Variants in SIGLEC9 observed in about 807,000 individuals in gnomAD.
The protein encoded by SIGLEC9 is sialic acid binding Ig like lectin 9.
In SIGLEC9, 26 loss-of-function variants were observed where a neutral mutation model predicts 38.3. The ratio of observed to expected loss-of-function variants is 0.68; its 90% CI spans 0.50 to 0.94. The LOEUF (loss-of-function observed/expected upper bound fraction) is 0.94, where lower values mean the gene tolerates loss of function less well. SIGLEC9 is among the 40% of genes least tolerant of loss of function. The pLI, the probability that SIGLEC9 is intolerant of heterozygous loss-of-function variation, is 0.00. For missense variants in SIGLEC9, 556 were observed against 585.7 expected (o/e 0.95, Z 0.52); for synonymous variants, 236 against 248.0 (o/e 0.95, Z 0.45).
In SIGLEC9 at chr19:51,124,906, G is replaced by A. The variant is rs367907317; in HGVS notation, c.-69G>A. 13 of 1,540,000 alleles carry A rather than the reference G, an allele frequency of 8.4e-6. No individual in the cohort carries two copies. Among genetic ancestry groups the A allele is most frequent in the East Asian group, 6.8e-5 (3 of 44,386 alleles). ...AGGGCCTCCTCTAAGTCTTGAGCCC[G>A]CAGTTCCTGAGAGAAGAACCCTGAG... is the stretch of plus-strand genomic sequence containing the variant. On this transcript the variant is annotated 5_prime_UTR_variant, in exon 1 of 7. Transcript: ENST00000250360.
chr19:51,122,932 G>C (rs993088092), upstream of SIGLEC9: 2 of 152,462 alleles, frequency 1.3e-5, no homozygotes, highest in Non-Finnish European at 2.9e-5. The surrounding 1 kb of genome is among the most constrained non-coding windows in gnomAD (Gnocchi z 4.1). Context: ...CACCCACTGC[G>C]ATTTCAGCAC....
At chr19:51,127,869 T>C (rs2091988947) in intron 4 of SIGLEC9, 80 bp from the exon 5 acceptor site, 1 of 812,548 alleles carries the variant, frequency 1.2e-6, no homozygotes, top group African/African-American at 1.7e-5. Context: ...AATAGAAGTC[T>C]AGGACCCTAC....
chr19:51,120,948 C>G (rs557815600), upstream of SIGLEC9, among the ~76,000 whole-genome samples: 1 of 150,610 alleles, frequency 6.6e-6, no homozygotes, highest in Non-Finnish European at 1.5e-5. This position sits in a 1 kb window ranked among gnomAD's most constrained non-coding sequence, Gnocchi z 4.1. Flanking sequence ...CAGGCTCAAG[C>G]GATCCTCCTG....
Position 51,125,617 on chromosome 19 carries a change from A to G in SIGLEC9, c.442A>G (p.Ile148Val). 6.2e-7 allele frequency: 1 copy of G among 1,611,732 alleles called. No homozygotes were observed. The highest frequency in any genetic ancestry group is 8.5e-7 in the Non-Finnish European group (1 of 1,179,938). Residue 148 changes from isoleucine (I) to valine (V), a missense_variant, in exon 2 of 7, where the codon ATC (isoleucine) becomes GTC (valine). Physicochemically the swap from Ile to Val is conservative, Grantham distance 29 (BLOSUM62 3). Transcript: ENST00000250360. ...ACCAGCCTTGACCCACAGGCCCAAC[A>G]TCCTCATCCCAGGCACCCTGGAGTC... ...NVTALTHRPNILIPGTLESGC... is the reference protein window; with the variant it reads ...NVTALTHRPNVLIPGTLESGC...
At chr19:51,121,111 T>C (rs939109496), upstream of SIGLEC9, among the ~76,000 whole-genome samples, 2 of 151,880 alleles carry the variant, frequency 1.3e-5, no homozygotes, top group African/African-American at 4.8e-5. Flanking sequence ...TCCCAAAGTG[T>C]TGGGATTACA....
chr19:51,122,974 C>G (rs10419347), upstream of SIGLEC9: 4 of 152,648 alleles, frequency 2.6e-5, no homozygotes, highest in Admixed American at 6.5e-5. The surrounding 1 kb of genome is among the most constrained non-coding windows in gnomAD (Gnocchi z 4.1). Context: ...GAGTGAGTTG[C>G]AGGACAGCTG....
chr19:51,136,261 A>G, exon 7 of SIGLEC9: 1 of 682,850 alleles, frequency 1.5e-6, no homozygotes. Context: ...ATATTCTCTG[A>G]TGCCCTTGAG....
downstream of SIGLEC9, among the ~76,000 whole-genome samples, chr19:51,134,147 CTTTTTTTTTTTTT>C (rs71185802): frequency 1.5e-5 from 1 of 66,522 alleles, no homozygotes; most frequent in South Asian, 7.8e-4. Context: ...TCTTTCTTTT[CTTTTTTTTTTTTT>C]TTTTTTTTTT....
chr19:51,129,863 T>C (rs1464131226), intron 6 of SIGLEC9, 28 bp from the exon 7 acceptor site: 1 of 1,524,374 alleles, frequency 6.6e-7, no homozygotes, highest in Non-Finnish European at 8.9e-7. Context: ...CTGTCTGCTC[T>C]GACTCACTTC....
rs61739508 is a variant in SIGLEC9, at chr19:51,125,856, C to G, written c.681C>G (p.Thr227=). The G allele has an allele frequency of 6.2e-7, 1 of 1,614,140 alleles. No individual in the cohort carries two copies. Among genetic ancestry groups the G allele is most frequent in the Non-Finnish European group, 8.5e-7 (1 of 1,180,024 alleles). The change falls in exon 2 of 7, where the codon ACC becomes ACG. Residue 227 remains threonine, a synonymous_variant. Transcript: ENST00000250360. ...GGGCCAGCGTGACCACGAACAAGAC[C>G]GTCCATCTCAACGTGTCCTGTGAGT... ...FPGASVTTNK[T]VHLNVSYPPQ...
chr19:51,124,500 G>A (rs1213687250), upstream of SIGLEC9, among the ~76,000 whole-genome samples: 3 of 151,934 alleles, frequency 2.0e-5, no homozygotes, highest in East Asian at 1.9e-4. Context: ...TGCCCACCTC[G>A]TGCTTGCTTG....
intron 6 of SIGLEC9, among the ~76,000 whole-genome samples, chr19:51,135,803 G>T (rs2092038452): frequency 6.6e-6 from 1 of 151,840 alleles, no homozygotes; most frequent in Non-Finnish European, 1.5e-5. Context: ...TTGTCTGATT[G>T]GGTTGATTCA....
intron 6 of SIGLEC9, among the ~76,000 whole-genome samples, chr19:51,129,307 T>A (rs182008333): frequency 1.3e-5 from 2 of 149,168 alleles, no homozygotes; most frequent in South Asian, 2.2e-4. Flanking sequence ...TACAGGCGCC[T>A]GCCACCACGC....
intron 5 of SIGLEC9, 38 bp from the exon 6 acceptor site, chr19:51,128,376 C>A (rs375197136): frequency 2.5e-6 from 4 of 1,606,146 alleles, no homozygotes; most frequent in Non-Finnish European, 3.4e-6. Flanking sequence ...GCACCCCAAT[C>A]TGACCACACT....
At chr19:51,134,984 A>C (rs374012286), downstream of SIGLEC9, among the ~76,000 whole-genome samples, 18 of 152,324 alleles carry the variant, frequency 1.2e-4, 3 homozygotes, top group Admixed American at 2.0e-4. Context: ...CATCAGCCCC[A>C]TCTGGCTACA....
chr19:51,126,967 C>A, intron 3 of SIGLEC9, 63 bp from the exon 4 acceptor site: 1 of 1,484,862 alleles, frequency 6.7e-7, no homozygotes, highest in Non-Finnish European at 9.3e-7. Flanking sequence ...CAGTCTCTTT[C>A]TGTATCCTTC....
chr19:51,127,504 C>T (rs2122846033), intron 4 of SIGLEC9, among the ~76,000 whole-genome samples: 1 of 127,738 alleles, frequency 7.8e-6, no homozygotes, highest in Non-Finnish European at 1.6e-5. Context: ...AGGAGTGGAT[C>T]TCAGAGGGGA....
chr19:51,132,479 G>A (rs965815779), downstream of SIGLEC9, among the ~76,000 whole-genome samples: 2 of 152,194 alleles, frequency 1.3e-5, no homozygotes, highest in South Asian at 2.1e-4. Context: ...TAAGGAGCGC[G>A]GAAAGCAGCC....
chr19:51,122,038 G>C (rs1164794159), upstream of SIGLEC9, among the ~76,000 whole-genome samples: 1 of 151,796 alleles, frequency 6.6e-6, no homozygotes, highest in Non-Finnish European at 1.5e-5. The surrounding 1 kb of genome is among the most constrained non-coding windows in gnomAD (Gnocchi z 4.1). Flanking sequence ...GTGACTCCTC[G>C]GCACCCTCAG....
Sources: gnomAD v4.1 joint callset for allele counts (sites outside exome capture counted in the v4.1 genomes callset) on GRCh38, gnomAD v4.1.1 for gene constraint, Gnocchi (gnomAD v3.1) non-coding constraint, MANE v1.5 for transcripts, NCBI Gene and HGNC (gene_info 2026-07-23, HGNC 2026-07-21) for gene names.